The following PCDH15 variants were observed in gnomAD, a reference collection of about 807,000 sequenced individuals.
PCDH15 encodes protocadherin related 15, also known as protocadherin-15.
A neutral mutation model predicts 178.5 loss-of-function variants in PCDH15; 129 were observed. The ratio of observed to expected loss-of-function variants is 0.72; its 90% CI spans 0.63 to 0.84. The LOEUF is 0.84. Among genes scored for constraint, PCDH15 ranks in the 40% least tolerant of loss-of-function variants. The pLI is 0.00. For synonymous variants in PCDH15, 800 were observed against 732.0 expected (o/e 1.09, Z -1.50); for missense variants, 2,230 against 2,099.9 (o/e 1.06, Z -1.21).
At chr10:54,885,599 A>G (rs189935171) in intron 3 of PCDH15, among the ~76,000 whole-genome samples, 1 of 152,254 alleles carries the variant, frequency 6.6e-6, no homozygotes, top group East Asian at 1.9e-4. Flanking sequence ...CAAGTAGTAA[A>G]CGTAGTAATC....
intron 8 of PCDH15, among the ~76,000 whole-genome samples, chr10:54,247,807 A>G (rs991207552): frequency 1.3e-5 from 2 of 151,306 alleles, no homozygotes; most frequent in Non-Finnish European, 3.0e-5. Flanking sequence ...TGAGATTAAT[A>G]ATATCTACAT....
intron 20 of PCDH15, among the ~76,000 whole-genome samples, chr10:54,013,270 A>G (rs1273081622): frequency 6.6e-6 from 1 of 152,218 alleles, no homozygotes; most frequent in African/African-American, 2.4e-5. Flanking sequence ...GCAAGTTCTT[A>G]CAGACCTACA....
chr10:55,480,589 C>T (rs1840158913), intron 2 of PCDH15, among the ~76,000 whole-genome samples: 1 of 151,618 alleles, frequency 6.6e-6, no homozygotes, highest in African/African-American at 2.4e-5. Flanking sequence ...ATGAGATAAC[C>T]ATGTGTTTGT....
At chr10:54,945,120 C>T (rs1298534679) in intron 2 of PCDH15, among the ~76,000 whole-genome samples, 1 of 151,626 alleles carries the variant, frequency 6.6e-6, no homozygotes. Context: ...TATTGCAGCA[C>T]CAAGTTTTAT....
At chr10:54,776,592 T>G (rs1949734655) in intron 1 of PCDH15, among the ~76,000 whole-genome samples, 1 of 152,158 alleles carries the variant, frequency 6.6e-6, no homozygotes, top group Admixed American at 6.5e-5. Flanking sequence ...AAGAACATAT[T>G]TAAGTGGAGG....
At chr10:55,051,976 G>A (rs11004705) in intron 2 of PCDH15, among the ~76,000 whole-genome samples, 1 of 151,696 alleles carries the variant, frequency 6.6e-6, no homozygotes. Flanking sequence ...ATAGGGTGGA[G>A]CAAATGAAAA....
At chr10:55,450,032 A>ATT (rs139255019) in intron 2 of PCDH15, among the ~76,000 whole-genome samples, 23 of 152,118 alleles carry the variant, frequency 1.5e-4, no homozygotes, top group African/African-American at 5.5e-4. Context: ...GGCTTAAAGC[A>ATT]TTTTTTTTAT....
chr10:54,021,510 G>C (rs940165404), intron 19 of PCDH15, among the ~76,000 whole-genome samples: 6 of 151,786 alleles, frequency 4.0e-5, no homozygotes, highest in African/African-American at 1.5e-4. Flanking sequence ...ACATTTTCTA[G>C]ACCTTTAGCC....
intron 2 of PCDH15, among the ~76,000 whole-genome samples, chr10:55,574,971 A>G (rs951273249): frequency 2.0e-5 from 3 of 152,046 alleles, no homozygotes; most frequent in African/African-American, 7.2e-5. Context: ...ATCTCTATAT[A>G]TACTTTCAAA....
intron 26 of PCDH15, among the ~76,000 whole-genome samples, chr10:53,871,534 C>T (rs2079856239): frequency 6.8e-6 from 1 of 148,006 alleles, no homozygotes; most frequent in South Asian, 2.2e-4. Context: ...TTATAGTTAC[C>T]TAAGTTGTCA....
intron 1 of PCDH15, among the ~76,000 whole-genome samples, chr10:55,189,154 A>G (rs1839877543): frequency 6.6e-6 from 1 of 151,828 alleles, no homozygotes; most frequent in Non-Finnish European, 1.5e-5. Context: ...GGGCGCTCCA[A>G]TTCTGTTCCT....
chr10:54,506,002 ATTT>A (rs748796068), intron 3 of PCDH15, among the ~76,000 whole-genome samples: 4 of 152,074 alleles, frequency 2.6e-5, no homozygotes, highest in Non-Finnish European at 5.9e-5. Flanking sequence ...TTTGACTCCC[ATTT>A]GGTATAATTT....
chr10:54,542,933 G>A (rs1360693088), intron 2 of PCDH15, among the ~76,000 whole-genome samples: 1 of 152,150 alleles, frequency 6.6e-6, no homozygotes, highest in Non-Finnish European at 1.5e-5. Context: ...AAATACAGGT[G>A]GATGTGGTGA....
intron 2 of PCDH15, among the ~76,000 whole-genome samples, chr10:54,661,797 C>T (rs573941264): frequency 6.6e-6 from 1 of 151,934 alleles, no homozygotes; most frequent in Non-Finnish European, 1.5e-5. Context: ...CAAAATTAAA[C>T]ATTGGGGAAA....
At chr10:55,346,984 G>C (rs1034787643) in intron 2 of PCDH15, among the ~76,000 whole-genome samples, 1 of 152,054 alleles carries the variant, frequency 6.6e-6, no homozygotes. Flanking sequence ...GGGGGCTGAG[G>C]TGGGAGGATC....
chr10:54,673,326 T>G (rs1251115124), intron 1 of PCDH15, among the ~76,000 whole-genome samples: 1 of 152,132 alleles, frequency 6.6e-6, no homozygotes, highest in African/African-American at 2.4e-5. Flanking sequence ...ATGCGGTGCT[T>G]GGTTTTTCTG....
At chr10:55,541,936 T>C (rs1262314352) in intron 2 of PCDH15, among the ~76,000 whole-genome samples, 1 of 151,716 alleles carries the variant, frequency 6.6e-6, no homozygotes, top group Non-Finnish European at 1.5e-5. Flanking sequence ...TATCAAAAAA[T>C]GAATTAATTT....
chr10:55,380,183 G>T (rs1370185937), intron 2 of PCDH15, among the ~76,000 whole-genome samples: 2 of 152,068 alleles, frequency 1.3e-5, no homozygotes, highest in Non-Finnish European at 2.9e-5. Flanking sequence ...GAGGTAGAAA[G>T]AATTATAAAG....
chr10:54,363,053 T>C (rs1228516027), intron 5 of PCDH15, among the ~76,000 whole-genome samples: 4 of 152,070 alleles, frequency 2.6e-5, no homozygotes, highest in Non-Finnish European at 5.9e-5. Flanking sequence ...GAAATATATA[T>C]GTTATAGGAT....
Sources: allele counts gnomAD v4.1 joint callset (sites outside exome capture counted in the v4.1 genomes callset), GRCh38; gene constraint gnomAD v4.1.1; transcripts MANE v1.5; gene names NCBI Gene and HGNC (gene_info 2026-07-23, HGNC 2026-07-21).